Variants in BCAR3 observed in about 807,000 individuals in gnomAD.
BCAR3 encodes the protein breast cancer anti-estrogen resistance protein 3.
BCAR3 carries 37 observed loss-of-function variants against 80.1 expected under a neutral mutation model. The ratio of observed to expected loss-of-function variants is 0.46; its 90% CI spans 0.36 to 0.61. The LOEUF (loss-of-function observed/expected upper bound fraction) is 0.61, where lower values mean the gene tolerates loss of function less well. Ranked by LOEUF, BCAR3 falls within the 20% of genes least tolerant of loss-of-function variation. BCAR3 has a pLI of 0.00. For synonymous variants in BCAR3, 389 were observed against 418.9 expected (o/e 0.93, Z 0.87); for missense variants, 978 against 1,068.2 (o/e 0.92, Z 1.18).
At chr1:93,596,846 G>A (rs552718423) in intron 3 of BCAR3, among the ~76,000 whole-genome samples, 3 of 152,272 alleles carry the variant, frequency 2.0e-5, no homozygotes, top group South Asian at 2.1e-4. Flanking sequence ...GTTGGTTTTC[G>A]CTGCCTCAGC....
At chr1:93,795,470 C>T (rs1205906580) in intron 2 of BCAR3, among the ~76,000 whole-genome samples, 1 of 74,788 alleles carries the variant, frequency 1.3e-5, no homozygotes. Context: ...CTTCTGCATT[C>T]TTCACGTAGT....
At chr1:93,563,897 T>C (rs932742512) in intron 11 of BCAR3, among the ~76,000 whole-genome samples, 6 of 152,320 alleles carry the variant, frequency 3.9e-5, no homozygotes, top group South Asian at 2.1e-4. Flanking sequence ...TTTTGCCATG[T>C]TGGCCAGGCT....
intron 3 of BCAR3, among the ~76,000 whole-genome samples, chr1:93,598,610 C>T (rs1674517900): frequency 2.0e-5 from 3 of 152,200 alleles, no homozygotes; most frequent in African/African-American, 7.2e-5. Context: ...GAAGATGACA[C>T]ACAAAGAACA....
At chr1:93,687,017 A>G (rs1649000328) in intron 3 of BCAR3, among the ~76,000 whole-genome samples, 1 of 152,232 alleles carries the variant, frequency 6.6e-6, no homozygotes, top group Non-Finnish European at 1.5e-5. Context: ...TGTCACAGCC[A>G]GTAATTATTC....
intron 2 of BCAR3, among the ~76,000 whole-genome samples, chr1:93,654,477 G>A (rs2101923460): frequency 6.6e-6 from 1 of 152,270 alleles, no homozygotes; most frequent in African/African-American, 2.4e-5. Flanking sequence ...TGTGGGAGCA[G>A]ATTCTTCCCC....
At chr1:93,827,404 T>C (rs895727965) in intron 2 of BCAR3, among the ~76,000 whole-genome samples, 3 of 152,108 alleles carry the variant, frequency 2.0e-5, no homozygotes, top group Admixed American at 1.3e-4. Context: ...CTAAGTGACA[T>C]CTGCCAGAAT....
At chr1:93,754,271 G>T (rs1048556290) in intron 2 of BCAR3, 2 of 152,172 alleles carry the variant, frequency 1.3e-5, no homozygotes, top group Non-Finnish European at 2.9e-5. Flanking sequence ...CATCCTACTG[G>T]ATTCCTCTAG....
At chr1:93,620,312 C>A (rs1675269452) in intron 3 of BCAR3, among the ~76,000 whole-genome samples, 3 of 152,162 alleles carry the variant, frequency 2.0e-5, no homozygotes, top group Admixed American at 2.0e-4. Flanking sequence ...ATTCAAATAC[C>A]ACATATGGTT....
At chr1:93,805,288 T>C (rs568808607) in intron 2 of BCAR3, among the ~76,000 whole-genome samples, 237 of 152,130 alleles carry the variant, frequency 1.6e-3, no homozygotes, top group Admixed American at 2.0e-3. Context: ...CAGGGTGGAG[T>C]GAGCTGCAGC....
Position 93,567,925 on chromosome 1 carries a change from G to A in BCAR3, c.1975-74C>T, listed in dbSNP as rs1254523724. The A allele has an allele frequency of 1.6e-5, 20 of 1,232,800 alleles. 1 individual carries two copies. Among genetic ancestry groups the A allele is most frequent in the South Asian group, 3.7e-5 (3 of 80,340 alleles). 76.4% of individuals were successfully genotyped at this position (1,232,800 alleles called of 1,614,324 possible). A position where few individuals can be genotyped will look rare whatever the true frequency, so the allele number is the denominator to read the frequency against. ...TTAGTGGCTGGGCGTGGTAGCTCACGCCTGTAATGCCAGCACTTTGGGAGG... is the reference window on the plus strand; with the variant it reads ...TTAGTGGCTGGGCGTGGTAGCTCACACCTGTAATGCCAGCACTTTGGGAGG... On this transcript the variant is annotated intron_variant, in intron 9 of 11. Transcript: ENST00000260502.
Position 93,674,319 on chromosome 1 carries a change from G to A in BCAR3, c.317+295C>T, listed in dbSNP as rs1451623055. Among the ~76,000 whole-genome samples the A allele has an allele frequency of 6.6e-5, 10 of 152,150 alleles. No individual in the cohort carries two copies. In the East Asian group the frequency reaches 7.7e-4, roughly 12 times the overall value. ...TGCCCAGGCTGGAGTGCAGTGGAGC[G>A]ATCTTGGCTTACTGCAACCTCTGCC... On this transcript the variant is annotated intron_variant, in intron 2 of 11. Coordinates refer to ENST00000260502, the MANE Select transcript of BCAR3 (RefSeq NM_003567.4).
chr1:93,839,821 G>A (rs1343604070), intron 2 of BCAR3, among the ~76,000 whole-genome samples: 1 of 152,192 alleles, frequency 6.6e-6, no homozygotes, highest in Non-Finnish European at 1.5e-5. Flanking sequence ...GTGGAATAAT[G>A]AGAGCTTGAA....
intron 5 of BCAR3, among the ~76,000 whole-genome samples, chr1:93,587,145 A>G (rs1160144979): frequency 2.0e-5 from 3 of 152,142 alleles, no homozygotes; most frequent in Admixed American, 6.5e-5. Context: ...TTTAAAAATC[A>G]GATTATTAGA....
At chr1:93,668,716 T>C (rs987524363) in intron 2 of BCAR3, among the ~76,000 whole-genome samples, 7 of 148,656 alleles carry the variant, frequency 4.7e-5, no homozygotes, top group African/African-American at 1.5e-4. Context: ...TTTTTTTTTC[T>C]TTTTTTTTTT....
chr1:93,584,191 T>G, intron 5 of BCAR3, 70 bp from the exon 6 acceptor site: 1 of 1,400,708 alleles, frequency 7.1e-7, no homozygotes, highest in Non-Finnish European at 9.8e-7. Context: ...GGCAATGCCA[T>G]GGGAACTTAA....
At chr1:93,702,943 G>A (rs1183296118) in intron 3 of BCAR3, among the ~76,000 whole-genome samples, 2 of 152,250 alleles carry the variant, frequency 1.3e-5, no homozygotes, top group African/African-American at 4.8e-5. Flanking sequence ...GCCTGGAACA[G>A]TGATCTCTGG....
chr1:93,635,051 C>G (rs924814118), intron 3 of BCAR3, among the ~76,000 whole-genome samples: 1 of 151,814 alleles, frequency 6.6e-6, no homozygotes, highest in Non-Finnish European at 1.5e-5. Flanking sequence ...ACAGGGAGAC[C>G]CCATCTCTAC....
intron 8 of BCAR3, 73 bp downstream of exon 8, chr1:93,575,941 G>T: frequency 7.3e-7 from 1 of 1,378,494 alleles, no homozygotes; most frequent in Non-Finnish European, 1.0e-6. Context: ...GCCTCTCTTT[G>T]TTCTAAAACC....
At chr1:93,844,832 C>T (rs1223613206) in intron 2 of BCAR3, among the ~76,000 whole-genome samples, 2 of 152,098 alleles carry the variant, frequency 1.3e-5, no homozygotes, top group East Asian at 3.9e-4. Context: ...CCTCAGCCTC[C>T]AGAAGTGCTG....
Sources: allele counts gnomAD v4.1 joint callset (sites outside exome capture counted in the v4.1 genomes callset), GRCh38; gene constraint gnomAD v4.1.1; transcripts MANE v1.5; gene names NCBI Gene and HGNC (gene_info 2026-07-23, HGNC 2026-07-21).